TNR: variants seen among roughly 807,000 people sequenced by gnomAD.
TNR encodes tenascin R.
A neutral mutation model predicts 150.4 loss-of-function variants in TNR; 45 were observed. That is an observed-to-expected ratio of 0.30 (90% CI 0.24 to 0.38). The LOEUF (loss-of-function observed/expected upper bound fraction) is 0.38. Ranked by LOEUF, TNR falls within the 10% of genes least tolerant of loss-of-function variation. The pLI is 1.00. For synonymous variants in TNR, 687 were observed against 678.4 expected (o/e 1.01, Z -0.20); for missense variants, 1,544 against 1,759.1 (o/e 0.88, Z 2.19).
chr1:175,406,514 G>T lies in TNR; in HGVS notation c.201C>A (p.His67Gln). ...SSKEQPVVFN[H>Q]VYNINVPLDN... ...CCAAGGGCACGTTAATGTTGTACAC[G>T]TGGTTGAAGACCACAGGCTGCTCTT... The change falls in exon 3 of 23, where the codon CAC becomes CAA. Residue 67 changes from histidine to glutamine, a missense_variant. This residue lies in a region of TNR where 1,254 missense variants were observed against 1,329.4 expected (regional missense o/e 0.94). Coordinates refer to ENST00000367674, the MANE Select transcript of TNR (RefSeq NM_003285.3). 6.2e-7 allele frequency: 1 copy of T among 1,614,182 alleles called. No individual in the cohort carries two copies. The highest frequency in any genetic ancestry group is 8.5e-7 in the Non-Finnish European group (1 of 1,180,038).
In TNR at chr1:175,336,231, G is replaced by A. The variant is rs80203997; in HGVS notation, c.3535-424C>T. Among the ~76,000 whole-genome samples the A allele has an allele frequency of 3.3e-5, 5 of 152,320 alleles. No homozygotes were observed. In the East Asian group the frequency reaches 7.7e-4, roughly 23 times the overall value. On this transcript the variant is annotated intron_variant, in intron 19 of 22. Coordinates refer to ENST00000367674, the MANE Select transcript of TNR (RefSeq NM_003285.3). ...TTCAAATCAGCTAGTAACTGTCATC[G>A]TCCTATTGCAGGCAAAGCAATATTG...
intron 2 of TNR, among the ~76,000 whole-genome samples, chr1:175,485,149 T>A (rs1162370819): frequency 1.3e-5 from 2 of 152,204 alleles, no homozygotes; most frequent in Non-Finnish European, 2.9e-5. Context: ...TAAATTAGAC[T>A]GATGCATTTG....
At chr1:175,356,945 T>C (rs1651360867) in intron 15 of TNR, among the ~76,000 whole-genome samples, 1 of 152,202 alleles carries the variant, frequency 6.6e-6, no homozygotes, top group Non-Finnish European at 1.5e-5. Flanking sequence ...AATGGAGAGG[T>C]ACTGACCAAT....
chr1:175,384,710 G>A (rs1652844835), intron 8 of TNR, among the ~76,000 whole-genome samples: 1 of 152,174 alleles, frequency 6.6e-6, no homozygotes, highest in African/African-American at 2.4e-5. Context: ...GAGGGTTCAG[G>A]CACCTACTTG....
intron 18 of TNR, among the ~76,000 whole-genome samples, chr1:175,343,925 T>G (rs148163468): frequency 1.0e-3 from 158 of 152,324 alleles, no homozygotes; most frequent in Middle Eastern, 3.4e-3. Flanking sequence ...GAGTACAAGA[T>G]GTCCAGGTTT....
intron 15 of TNR, 146 bp downstream of exon 15, chr1:175,359,466 A>G (rs1571335650): frequency 7.9e-7 from 1 of 1,272,814 alleles, no homozygotes; most frequent in Non-Finnish European, 1.1e-6. Flanking sequence ...GGATATCTTG[A>G]GGGCTTCATA....
At chr1:175,671,270 T>G (rs1157420979) in intron 1 of TNR, among the ~76,000 whole-genome samples, 1 of 152,176 alleles carries the variant, frequency 6.6e-6, no homozygotes, top group African/African-American at 2.4e-5. Flanking sequence ...CCTACTGAAC[T>G]CCTCCTTTAT....
At chr1:175,634,811 A>G (rs572412979) in intron 1 of TNR, among the ~76,000 whole-genome samples, 1 of 152,232 alleles carries the variant, frequency 6.6e-6, no homozygotes, top group African/African-American at 2.4e-5. Context: ...TTTTTGATAA[A>G]CCACACTGTC....
At chr1:175,711,850 T>C (rs1470449620) in intron 1 of TNR, among the ~76,000 whole-genome samples, 1 of 152,160 alleles carries the variant, frequency 6.6e-6, no homozygotes, top group Non-Finnish European at 1.5e-5. Flanking sequence ...TCATTTGAGT[T>C]GTGGGCAGGG....
At chr1:175,367,328 C>G (rs373498911) in intron 9 of TNR, 31 bp from the exon 10 acceptor site, 1 of 1,588,958 alleles carries the variant, frequency 6.3e-7, no homozygotes, top group Non-Finnish European at 8.6e-7. Flanking sequence ...AAACATTATT[C>G]TGTGTATGGG....
intron 2 of TNR, among the ~76,000 whole-genome samples, chr1:175,460,457 G>C (rs1184125609): frequency 6.6e-6 from 1 of 151,872 alleles, no homozygotes; most frequent in East Asian, 1.9e-4. Flanking sequence ...TGTCTCTCCA[G>C]TCAGCCCTTA....
chr1:175,370,729 G>A (rs1285221693), intron 9 of TNR, among the ~76,000 whole-genome samples: 2 of 152,176 alleles, frequency 1.3e-5, no homozygotes, highest in African/African-American at 2.4e-5. Context: ...CTATAATGAA[G>A]TAGAAATTCT....
At chr1:175,427,877 C>T (rs1162453545) in intron 2 of TNR, among the ~76,000 whole-genome samples, 1 of 130,578 alleles carries the variant, frequency 7.7e-6, no homozygotes, top group African/African-American at 3.0e-5. Flanking sequence ...TTCCTTCTTC[C>T]CTCCCTTCTT....
chr1:175,566,410 A>T (rs1661645728), intron 1 of TNR, among the ~76,000 whole-genome samples: 2 of 152,224 alleles, frequency 1.3e-5, no homozygotes, highest in Admixed American at 6.5e-5. Flanking sequence ...GGTGTTTGAG[A>T]GTCTCTGGCA....
chr1:175,419,318 CA>C (rs1654646009), intron 2 of TNR, among the ~76,000 whole-genome samples: 1 of 152,022 alleles, frequency 6.6e-6, no homozygotes, highest in Non-Finnish European at 1.5e-5. Context: ...AAGAATTGAC[CA>C]TTTAGCTACA....
chr1:175,703,352 C>T (rs1305099263), intron 1 of TNR, among the ~76,000 whole-genome samples: 3 of 152,172 alleles, frequency 2.0e-5, no homozygotes, highest in Non-Finnish European at 1.5e-5. Flanking sequence ...GCACTCTTTG[C>T]AAACTTTAAT....
At position 175,453,991 on chromosome 1, in the gene TNR, G is replaced by A. The variant is rs190648390; in HGVS notation, c.-63-47214C>T. The stretch of plus-strand genomic sequence containing the variant: ...ACAGGGTGAATTTTTTCCAGAGATG[G>A]GGCCCTGCTGTCCTCACAGGCAAAG... On this transcript the variant is annotated intron_variant, in intron 2 of 22. Transcript: ENST00000367674. 6.0e-4 allele frequency among the ~76,000 whole-genome samples: 92 copies of A among 152,230 alleles called. 2 individuals carry two copies. In the East Asian group the frequency reaches 0.016, roughly 27 times the overall value.
chr1:175,530,651 A>G (rs1287010962), intron 1 of TNR, among the ~76,000 whole-genome samples: 1 of 152,124 alleles, frequency 6.6e-6, no homozygotes, highest in African/African-American at 2.4e-5. Flanking sequence ...TTTTTCCTCT[A>G]ATTTGTTTAT....
At chr1:175,500,400 C>A (rs938299052) in intron 2 of TNR, among the ~76,000 whole-genome samples, 34 of 152,170 alleles carry the variant, frequency 2.2e-4, no homozygotes, top group African/African-American at 8.0e-4. Flanking sequence ...CCTCCAAAGC[C>A]CAGTGTCTCT....
Sources: allele counts gnomAD v4.1 joint callset (sites outside exome capture counted in the v4.1 genomes callset), GRCh38; gene constraint gnomAD v4.1.1; regional missense constraint gnomAD v4.1.1; transcripts MANE v1.5; gene names NCBI Gene and HGNC (gene_info 2026-07-23, HGNC 2026-07-21).